ROBO2: variants seen among roughly 807,000 people sequenced by gnomAD.
ROBO2 encodes roundabout guidance receptor 2, also known as roundabout homolog 2.
Under a neutral mutation model 160.8 loss-of-function variants are expected in ROBO2, and 53 were observed. The ratio of observed to expected loss-of-function variants is 0.33; its 90% CI spans 0.26 to 0.41. The LOEUF (loss-of-function observed/expected upper bound fraction) is 0.41, where lower values mean the gene tolerates loss of function less well. Ranked by LOEUF, ROBO2 falls within the 10% of genes least tolerant of loss-of-function variation. The probability of loss-of-function intolerance (pLI) is 1.00; values close to 1 mark genes in which losing one functional copy is unlikely to be tolerated. For missense variants in ROBO2, 1,577 were observed against 1,722.4 expected (o/e 0.92, Z 1.49); for synonymous variants, 664 against 611.7 (o/e 1.09, Z -1.26).
At chr3:77,581,994 G>A (rs987987707) in intron 16 of ROBO2, among the ~76,000 whole-genome samples, 7 of 151,862 alleles carry the variant, frequency 4.6e-5, no homozygotes, top group South Asian at 2.1e-4. Context: ...AAATGGCTAC[G>A]TTTATTTTCT....
chr3:76,058,128 A>G (rs144663641), intron 2 of ROBO2, among the ~76,000 whole-genome samples: 1 of 151,976 alleles, frequency 6.6e-6, no homozygotes, highest in Admixed American at 6.6e-5. Context: ...CTATACTTTC[A>G]GTTCTGGGAC....
intron 2 of ROBO2, among the ~76,000 whole-genome samples, chr3:76,443,825 G>C (rs1420556585): frequency 6.6e-6 from 1 of 152,120 alleles, no homozygotes; most frequent in Non-Finnish European, 1.5e-5. Context: ...TTGTTGAGTA[G>C]AAATTTGAAA....
chr3:77,577,605 A>G, exon 15 of ROBO2: 1 of 1,613,348 alleles, frequency 6.2e-7, no homozygotes, highest in Non-Finnish European at 8.5e-7. Flanking sequence ...GAATTATCCA[A>G]GAATACAAGG....
At chr3:75,994,501 G>T (rs370116023) in intron 2 of ROBO2, among the ~76,000 whole-genome samples, 1 of 152,106 alleles carries the variant, frequency 6.6e-6, no homozygotes, top group African/African-American at 2.4e-5. Flanking sequence ...TAAGCATTTG[G>T]CATTTCCCCT....
intron 2 of ROBO2, among the ~76,000 whole-genome samples, chr3:76,968,040 TTA>T: frequency 6.6e-6 from 1 of 152,082 alleles, no homozygotes; most frequent in East Asian, 1.9e-4. Flanking sequence ...GTTTGCTTGT[TTA>T]TATATATATT....
intron 2 of ROBO2, among the ~76,000 whole-genome samples, chr3:76,679,351 A>G (rs756918568): frequency 1.4e-4 from 21 of 152,122 alleles, no homozygotes; most frequent in Non-Finnish European, 2.6e-4. Flanking sequence ...CTATTAATCA[A>G]TGTTTATATT....
chr3:75,996,869 A>G (rs1576422102), intron 2 of ROBO2, among the ~76,000 whole-genome samples: 1 of 152,042 alleles, frequency 6.6e-6, no homozygotes, highest in Admixed American at 6.6e-5. Flanking sequence ...ATTCTGATAT[A>G]TGTAAATCTT....
At chr3:76,350,753 A>T (rs2108281715) in intron 2 of ROBO2, among the ~76,000 whole-genome samples, 1 of 152,112 alleles carries the variant, frequency 6.6e-6, no homozygotes, top group South Asian at 2.1e-4. Flanking sequence ...GCCAAAGAGA[A>T]ATCAGTAAAG....
At chr3:77,222,020 T>A (rs2085884867) in intron 2 of ROBO2, among the ~76,000 whole-genome samples, 1 of 151,812 alleles carries the variant, frequency 6.6e-6, no homozygotes, top group South Asian at 2.1e-4. Context: ...TCCCAGCTAA[T>A]TTTTGCGTTT....
At chr3:76,209,218 T>C (rs1702991758) in intron 2 of ROBO2, among the ~76,000 whole-genome samples, 1 of 152,178 alleles carries the variant, frequency 6.6e-6, no homozygotes, top group South Asian at 2.1e-4. Flanking sequence ...AAGCCAGTTT[T>C]GTAACTATTT....
chr3:76,067,129 G>A (rs533098740), intron 2 of ROBO2, among the ~76,000 whole-genome samples: 3 of 152,172 alleles, frequency 2.0e-5, no homozygotes, highest in South Asian at 4.2e-4. Context: ...TTCTGGAGTC[G>A]GCTTTTTTGG....
At position 76,773,449 on chromosome 3, in the gene ROBO2, T is replaced by G. The variant is rs200224143; in HGVS notation, c.110-324565T>G. 4.0e-5 allele frequency among the ~76,000 whole-genome samples: 6 copies of G among 151,082 alleles called. No individual in the cohort carries two copies. In the East Asian group the frequency reaches 1.2e-3, roughly 30 times the overall value. On this transcript the variant is annotated intron_variant, in intron 2 of 26. Coordinates refer to the ROBO2 transcript ENST00000487694. Reference sequence around the variant, plus strand: ...GACAAGATTTCCATATATACATACATGCACCTTACCTTTCTGCCTGGGTCT... The same window carrying G: ...GACAAGATTTCCATATATACATACAGGCACCTTACCTTTCTGCCTGGGTCT...
chr3:75,951,577 AG>A (rs767339087), intron 2 of ROBO2, among the ~76,000 whole-genome samples: 1 of 152,106 alleles, frequency 6.6e-6, no homozygotes, highest in Non-Finnish European at 1.5e-5. Context: ...TGGTACTGCC[AG>A]CAGACAGAAA....
chr3:77,274,593 T>C (rs1219898276), intron 2 of ROBO2, among the ~76,000 whole-genome samples: 1 of 152,126 alleles, frequency 6.6e-6, no homozygotes, highest in Admixed American at 6.6e-5. Flanking sequence ...TTAAAAGCTC[T>C]CCATCTTAGG....
intron 2 of ROBO2, among the ~76,000 whole-genome samples, chr3:77,412,218 C>T (rs576662152): frequency 6.6e-6 from 1 of 152,270 alleles, no homozygotes; most frequent in Non-Finnish European, 1.5e-5. Context: ...AATCCACATC[C>T]CTGACAAAAG....
At chr3:76,454,294 T>A (rs1418997994) in intron 2 of ROBO2, among the ~76,000 whole-genome samples, 2 of 152,170 alleles carry the variant, frequency 1.3e-5, no homozygotes, top group African/African-American at 4.8e-5. Flanking sequence ...TTTGCAAAAG[T>A]TATTGGGTCA....
At chr3:76,378,560 G>A (rs936600632) in intron 2 of ROBO2, among the ~76,000 whole-genome samples, 3 of 152,142 alleles carry the variant, frequency 2.0e-5, no homozygotes, top group Admixed American at 6.6e-5. Flanking sequence ...CACACTTCAC[G>A]TGCTCAGGCT....
At chr3:76,745,957 A>G (rs1560486880) in intron 2 of ROBO2, among the ~76,000 whole-genome samples, 1 of 147,494 alleles carries the variant, frequency 6.8e-6, no homozygotes, top group Admixed American at 6.8e-5. Flanking sequence ...AACATTAGGT[A>G]TATCTCCTAA....
At chr3:75,997,880 C>G (rs548701370) in intron 2 of ROBO2, among the ~76,000 whole-genome samples, 1 of 152,148 alleles carries the variant, frequency 6.6e-6, no homozygotes, top group African/African-American at 2.4e-5. Flanking sequence ...TGGAGTCTAC[C>G]CAGTAACCAA....
Sources: allele counts gnomAD v4.1 joint callset (sites outside exome capture counted in the v4.1 genomes callset), GRCh38; gene constraint gnomAD v4.1.1; transcripts MANE v1.5; gene names NCBI Gene and HGNC (gene_info 2026-07-23, HGNC 2026-07-21).